TAF1: variants seen among roughly 807,000 people sequenced by gnomAD.
TAF1 encodes the protein TATA-box binding protein associated factor 1, also known as transcription initiation factor TFIID subunit 1.
Under a neutral mutation model 138.5 loss-of-function variants are expected in TAF1, and 2 were observed. The observed-to-expected ratio is 0.01, with a 90% CI of 0.01 to 0.05. TAF1 has a LOEUF of 0.05. Ranked by LOEUF, TAF1 falls within the 10% of genes least tolerant of loss-of-function variation. The pLI is 1.00. For missense variants in TAF1, 709 were observed against 1,478.0 expected (o/e 0.48, Z 8.53); for synonymous variants, 437 against 503.2 (o/e 0.87, Z 1.76).
At chrX:71,381,634 C>A in intron 8 of TAF1, 109 bp from the exon 9 acceptor site, 1 of 858,559 alleles carries the variant, frequency 1.2e-6, no homozygotes, top group Non-Finnish European at 1.7e-6. Context: ...AATAACTCCA[C>A]TAACTCGCTC....
intron 32 of TAF1, among the ~76,000 whole-genome samples, chrX:71,441,293 ACATAT>A (rs975353778): frequency 9.0e-6 from 1 of 110,546 alleles, no homozygotes; most frequent in African/African-American, 3.3e-5. Flanking sequence ...GACTACAAAA[ACATAT>A]CATAGTTATT....
chrX:71,446,417 A>G lies in TAF1; in HGVS notation c.4754-7753A>G, dbSNP rs181394825. ...TTATTCCTGTAAAATTAGAGTATATAACTTAAAATTTTATAAAAATTACAT... is the reference window on the plus strand; with the variant it reads ...TTATTCCTGTAAAATTAGAGTATATGACTTAAAATTTTATAAAAATTACAT... On this transcript the variant is annotated intron_variant, in intron 32 of 37. Coordinates refer to ENST00000423759, the MANE Select transcript of TAF1 (RefSeq NM_004606.5). Among the ~76,000 whole-genome samples, 5 of 112,070 alleles carry G rather than the reference A, an allele frequency of 4.5e-5. No individual in the cohort carries two copies. In the East Asian group the frequency reaches 1.1e-3, roughly 25 times the overall value.
chrX:71,456,649 C>CTTTTTTTTTTTTTTTTTTT lies in TAF1; in HGVS notation c.4939-1567_4939-1549dup, dbSNP rs776321706. 3.4e-4 allele frequency among the ~76,000 whole-genome samples: 9 copies of CTTTTTTTTTTTTTTTTTTT among 26,828 alleles called. 2 individuals carry two copies. The highest frequency in any genetic ancestry group is 1.3e-3 in the African/African-American group (8 of 6,186). The allele number at this position is 26,828 out of a possible 115,157, so 23.3% of individuals were successfully genotyped here. ...ATGGTGGTGGTCAATAATGTATTTT[C>CTTTTTTTTTTTTTTTTTTT]TTTTTTTTTTTTTTTTTTTTTTTTT... On this transcript the variant is annotated intron_variant, in intron 34 of 37. Coordinates refer to ENST00000423759, the MANE Select transcript of TAF1 (RefSeq NM_004606.5).
intron 36 of TAF1, among the ~76,000 whole-genome samples, 198 bp from the exon 37 acceptor site, chrX:71,460,428 A>G (rs2148845757): frequency 8.9e-6 from 1 of 112,372 alleles, no homozygotes; most frequent in African/African-American, 3.2e-5. Flanking sequence ...GGAAATTGTT[A>G]TTTGGATTCA....
intron 13 of TAF1, chrX:71,484,787 G>A (rs1324150324): frequency 8.9e-6 from 1 of 112,231 alleles, no homozygotes; most frequent in Non-Finnish European, 1.9e-5. Context: ...ATGGAATACA[G>A]TAAAGGTGAT....
chrX:71,399,686 C>T (rs1043079588), intron 24 of TAF1, among the ~76,000 whole-genome samples: 2 of 107,983 alleles, frequency 1.9e-5, no homozygotes, highest in Non-Finnish European at 3.8e-5. Context: ...ATTCTTGCGC[C>T]TCAGCCTCCC....
chrX:71,374,671 T>C (rs896362691), intron 3 of TAF1, among the ~76,000 whole-genome samples: 3 of 110,437 alleles, frequency 2.7e-5, no homozygotes, highest in African/African-American at 9.9e-5. Context: ...GGTCTTGAAA[T>C]TCTGGGCTCA....
rs750537890 is a variant in TAF1, at chrX:71,401,512, A to G, written c.3787-16A>G. Reference sequence around the variant, plus strand: ...CCTACTTACCTCTGACGTGTTTGATACTTTTCCTTTTGCAGCTGAAATGTG... The same window carrying G: ...CCTACTTACCTCTGACGTGTTTGATGCTTTTCCTTTTGCAGCTGAAATGTG... On this transcript the variant is annotated splice_polypyrimidine_tract_variant and intron_variant, in intron 24 of 37. Transcript: ENST00000423759. 7 of 1,211,042 alleles carry G rather than the reference A, an allele frequency of 5.8e-6. No individual in the cohort carries two copies. In the South Asian group the frequency reaches 7.0e-5, roughly 12 times the overall value.
chrX:71,405,034 G>T (rs2035388903), intron 25 of TAF1, among the ~76,000 whole-genome samples: 1 of 97,958 alleles, frequency 1.0e-5, no homozygotes, highest in Admixed American at 1.2e-4. Flanking sequence ...CCAGCTCACT[G>T]CAACCTCCGC....
intron 26 of TAF1, 51 bp from the exon 27 acceptor site, chrX:71,407,523 G>A (rs2035538260): frequency 9.0e-7 from 1 of 1,114,578 alleles, no homozygotes; most frequent in Admixed American, 2.2e-5. Flanking sequence ...TGGACAGAAT[G>A]TGGATTTTTT....
chrX:71,402,090 G>C (rs1234844956), intron 25 of TAF1, among the ~76,000 whole-genome samples: 1 of 111,391 alleles, frequency 9.0e-6, no homozygotes, highest in Non-Finnish European at 1.9e-5. Flanking sequence ...TCTACTTCTA[G>C]ACACTTATAA....
At chrX:71,366,612 G>T in intron 1 of TAF1, 118 bp downstream of exon 1, 1 of 777,276 alleles carries the variant, frequency 1.3e-6, no homozygotes, top group Non-Finnish European at 1.8e-6. Context: ...TAACGCCGGG[G>T]AGGAGGATCC....
chrX:71,476,244 CA>C (rs2038977950), intron 13 of TAF1, among the ~76,000 whole-genome samples: 1 of 111,506 alleles, frequency 9.0e-6, no homozygotes, highest in South Asian at 3.7e-4. Context: ...TAGAATTTGA[CA>C]AAATGATTCG....
chrX:71,456,138 T>G (rs1370050815), intron 34 of TAF1, among the ~76,000 whole-genome samples: 1 of 111,533 alleles, frequency 9.0e-6, no homozygotes, highest in Admixed American at 9.6e-5. Flanking sequence ...GCCTGGGTAT[T>G]AGCCATCATT....
chrX:71,420,018 A>T (rs767148796), intron 28 of TAF1: 24 of 288,892 alleles, frequency 8.3e-5, no homozygotes, highest in South Asian at 6.0e-4. Flanking sequence ...TATTTTTTTT[A>T]ATTCTTTTTT....
intron 13 of TAF1, among the ~76,000 whole-genome samples, chrX:71,516,896 A>T (rs1451943959): frequency 1.8e-5 from 2 of 108,359 alleles, no homozygotes; most frequent in African/African-American, 6.7e-5. Context: ...CTTTTTTTTT[A>T]ATTTTTATTT....
At chrX:71,444,130 C>T (rs1207968514) in intron 32 of TAF1, among the ~76,000 whole-genome samples, 1 of 110,377 alleles carries the variant, frequency 9.1e-6, no homozygotes, top group Non-Finnish European at 1.9e-5. Context: ...GCCTCAGCCT[C>T]CCAAGTAGCC....
intron 13 of TAF1, chrX:71,492,525 C>G (rs1386973653): frequency 8.1e-6 from 1 of 123,050 alleles, no homozygotes; most frequent in African/African-American, 3.2e-5. Flanking sequence ...CGTCGCGCTG[C>G]GTCGCCCTGC....
chrX:71,490,083 A>AAAAT (rs1357084123), intron 13 of TAF1, among the ~76,000 whole-genome samples: 2 of 111,454 alleles, frequency 1.8e-5, no homozygotes, highest in African/African-American at 6.5e-5. Context: ...ACTTGTTCCA[A>AAAAT]AAATAAATAA....
Sources: gnomAD v4.1 joint callset for allele counts (sites outside exome capture counted in the v4.1 genomes callset) on GRCh38, gnomAD v4.1.1 for gene constraint, MANE v1.5 for transcripts, NCBI Gene and HGNC (gene_info 2026-07-23, HGNC 2026-07-21) for gene names.